FAM149B1: variants seen among roughly 807,000 people sequenced by gnomAD.
FAM149B1 encodes primary cilium assembly protein FAM149B1.
A neutral mutation model predicts 75.3 loss-of-function variants in FAM149B1; 56 were observed. The observed-to-expected ratio is 0.74, with a 90% CI of 0.60 to 0.93. The LOEUF (loss-of-function observed/expected upper bound fraction) is 0.93. Among genes scored for constraint, FAM149B1 ranks in the 40% least tolerant of loss-of-function variants. The pLI, the probability that FAM149B1 is intolerant of heterozygous loss-of-function variation, is 0.00. For synonymous variants in FAM149B1, 259 were observed against 256.1 expected (o/e 1.01, Z -0.11); for missense variants, 639 against 708.4 (o/e 0.90, Z 1.11).
intron 2 of FAM149B1, among the ~76,000 whole-genome samples, chr10:73,176,415 T>C (rs182382947): frequency 7.0e-4 from 107 of 152,298 alleles, no homozygotes; most frequent in African/African-American, 2.5e-3. Context: ...TCTCATAGGA[T>C]GTTGCAAATA....
intron 7 of FAM149B1, among the ~76,000 whole-genome samples, chr10:73,220,469 T>C (rs896551705): frequency 6.6e-6 from 1 of 152,150 alleles, no homozygotes; most frequent in Admixed American, 6.6e-5. Context: ...AACTTGAACA[T>C]GAATGCTCAT....
At chr10:73,238,949 T>C (rs2043884047) in intron 12 of FAM149B1, 1 of 165,138 alleles carries the variant, frequency 6.1e-6, no homozygotes, top group Non-Finnish European at 1.3e-5. Flanking sequence ...AAAAGGCTGG[T>C]TGTTTTAAAT....
At chr10:73,177,135 C>T (rs112745577) in intron 2 of FAM149B1, among the ~76,000 whole-genome samples, 15,880 of 151,498 alleles carry the variant, frequency 0.1, 1,194 homozygotes, top group East Asian at 0.3. Context: ...ACCCAGGAGG[C>T]GGAGGTTGCA....
chr10:73,234,816 GCCCAGTGGCA>G lies in FAM149B1; in HGVS notation c.1356_1365del (p.Val453ThrfsTer11). On this transcript the variant is annotated frameshift_variant and splice_region_variant, in exon 11 of 14. Transcript: ENST00000242505. LOFTEE classifies it high-confidence loss of function. ...TTCGTGTTTGTTGGTGGGATCTGCA[GCCCAGTGGCA>G]CCCGACTCGCTCTCCTCTCCCTCAC... 1 of 1,551,384 alleles carries G rather than the reference GCCCAGTGGCA, an allele frequency of 6.4e-7. No individual in the cohort carries two copies. The highest frequency in any genetic ancestry group is 8.7e-7 in the Non-Finnish European group (1 of 1,146,944).
chr10:73,242,975 G>C lies in FAM149B1; in HGVS notation c.*1956G>C, dbSNP rs2043970691. 1 of 166,808 alleles carries C rather than the reference G, an allele frequency of 6.0e-6. No homozygotes were observed. The highest frequency in any genetic ancestry group is 1.6e-4 in the South Asian group (1 of 6,406). The allele number at this position is 166,808 out of a possible 1,614,324, so 10.3% of individuals were successfully genotyped here. A position where few individuals can be genotyped will look rare whatever the true frequency, so the allele number is the denominator to read the frequency against. On this transcript the variant is annotated 3_prime_UTR_variant, in exon 14 of 14. Coordinates refer to ENST00000242505, the MANE Select transcript of FAM149B1 (RefSeq NM_173348.2). The stretch of plus-strand genomic sequence containing the variant: ...GATCATTAAGACCAAATGTAAACTG[G>C]GAAGTATGTGGAAGATAGCTGTCCA...
chr10:73,217,447 G>A (rs1011559161), intron 7 of FAM149B1, among the ~76,000 whole-genome samples: 1 of 152,206 alleles, frequency 6.6e-6, no homozygotes, highest in Non-Finnish European at 1.5e-5. Flanking sequence ...TGAGTCTGAA[G>A]TCCAGGAACA....
At chr10:73,194,838 C>T (rs2042765108) in intron 5 of FAM149B1, among the ~76,000 whole-genome samples, 1 of 151,920 alleles carries the variant, frequency 6.6e-6, no homozygotes, top group Admixed American at 6.6e-5. Flanking sequence ...CGCCCAGCAC[C>T]ATGCCCGGCT....
At chr10:73,176,362 A>G (rs1843964293) in intron 2 of FAM149B1, among the ~76,000 whole-genome samples, 1 of 152,186 alleles carries the variant, frequency 6.6e-6, no homozygotes, top group African/African-American at 2.4e-5. Flanking sequence ...CTAACAGGCC[A>G]CAGACCAGCA....
rs1589204727 is a variant in FAM149B1 at position 73,244,244 on chromosome 10, C to A, written c.*3225C>A. 1 of 273,936 alleles carries A rather than the reference C, an allele frequency of 3.7e-6. No homozygotes were observed. Among genetic ancestry groups the A allele is most frequent in the East Asian group, 9.8e-5 (1 of 10,192 alleles). 17.0% of individuals were successfully genotyped at this position (273,936 alleles called of 1,614,324 possible). ...GGTATGGTGGCTCACAACTGTAATC[C>A]CCATACCTTGGGAGGCCAAGGTGGG... On this transcript the variant is annotated 3_prime_UTR_variant, in exon 14 of 14. Transcript: ENST00000242505.
At chr10:73,238,593 G>A (rs974964446) in intron 12 of FAM149B1, among the ~76,000 whole-genome samples, 9 of 152,148 alleles carry the variant, frequency 5.9e-5, no homozygotes, top group Admixed American at 3.9e-4. Flanking sequence ...ACCACCCTAT[G>A]GTCCACAAAG....
chr10:73,207,206 A>AG (rs1158096027), intron 5 of FAM149B1, among the ~76,000 whole-genome samples: 1 of 152,130 alleles, frequency 6.6e-6, no homozygotes, highest in East Asian at 1.9e-4. Flanking sequence ...AGCTGTGGGA[A>AG]GGGGGTCACC....
chr10:73,169,734 CGTGA>C (rs1564673159), intron 1 of FAM149B1, among the ~76,000 whole-genome samples: 4 of 152,152 alleles, frequency 2.6e-5, no homozygotes, highest in African/African-American at 9.7e-5. Flanking sequence ...AAAGTGTTGG[CGTGA>C]GCCACCATGC....
chr10:73,236,548 G>A (rs974893033), intron 12 of FAM149B1, among the ~76,000 whole-genome samples: 4 of 151,700 alleles, frequency 2.6e-5, no homozygotes, highest in Admixed American at 2.6e-4. Context: ...CGAATAGCTG[G>A]GACTACAGGT....
At chr10:73,225,088 T>C (rs2043506729) in intron 7 of FAM149B1, among the ~76,000 whole-genome samples, 1 of 152,242 alleles carries the variant, frequency 6.6e-6, no homozygotes. Flanking sequence ...CCTACTGCAC[T>C]GCCAGTCATA....
chr10:73,195,563 T>A (rs1481639247), intron 5 of FAM149B1, among the ~76,000 whole-genome samples: 1 of 152,230 alleles, frequency 6.6e-6, no homozygotes, highest in Non-Finnish European at 1.5e-5. Flanking sequence ...ATATGTGCCT[T>A]ATTTTACAAC....
In FAM149B1 at chr10:73,174,717, T is replaced by C; in HGVS notation, c.78T>C (p.His26=). The change falls in exon 2 of 14, where the codon CAT becomes CAC. Residue 26 remains histidine, a synonymous_variant. Transcript: ENST00000242505. ...GAATAACAAAACATGCTCTTAACCA[T>C]CATCCCCCTCCAGAGAAGCTGGAGG... The part of the protein sequence containing the change: ...LKGITKHALN[H]HPPPEKLEEI... The C allele has an allele frequency of 6.4e-7, 1 of 1,551,304 alleles. No individual in the cohort carries two copies. The highest frequency in any genetic ancestry group is 1.4e-5 in the African/African-American group (1 of 73,172).
chr10:73,232,432 C>T (rs1029956244), intron 9 of FAM149B1, among the ~76,000 whole-genome samples: 5 of 152,212 alleles, frequency 3.3e-5, no homozygotes, highest in Non-Finnish European at 5.9e-5. Context: ...AAACCCAAAT[C>T]CCTGCCAGCT....
At chr10:73,218,655 T>G (rs1031443054) in intron 7 of FAM149B1, among the ~76,000 whole-genome samples, 80 of 152,162 alleles carry the variant, frequency 5.3e-4, no homozygotes, top group Non-Finnish European at 5.3e-4. Context: ...ACCCTTAATC[T>G]CTTGAGAGAA....
Position 73,239,436 on chromosome 10 carries a change from C to T in FAM149B1, c.1675+52C>T, listed in dbSNP as rs185387390. Reference sequence around the variant, plus strand: ...TACTACTGTGTGGTTGTGTTAAGACCCAGCCTTTGTCTTTTTTCCTACACC... The same window carrying T: ...TACTACTGTGTGGTTGTGTTAAGACTCAGCCTTTGTCTTTTTTCCTACACC... On this transcript the variant is annotated intron_variant, in intron 13 of 13. Coordinates refer to ENST00000242505, the MANE Select transcript of FAM149B1 (RefSeq NM_173348.2). 4.4e-6 allele frequency: 6 copies of T among 1,372,872 alleles called. No individual in the cohort carries two copies. In the South Asian group the frequency reaches 6.4e-5, roughly 15 times the overall value. 85.0% of individuals were successfully genotyped at this position (1,372,872 alleles called of 1,614,324 possible).
Sources: gnomAD v4.1 joint callset for allele counts (sites outside exome capture counted in the v4.1 genomes callset) on GRCh38, gnomAD v4.1.1 for gene constraint, MANE v1.5 for transcripts, NCBI Gene and HGNC (gene_info 2026-07-23, HGNC 2026-07-21) for gene names.